The following USP1 variants were observed in gnomAD, a reference collection of about 807,000 sequenced individuals.
The protein encoded by USP1 is ubiquitin carboxyl-terminal hydrolase 1.
In USP1, 18 loss-of-function variants were observed where a neutral mutation model predicts 72.2. That is an observed-to-expected ratio of 0.25 (90% CI 0.17 to 0.37). The LOEUF (loss-of-function observed/expected upper bound fraction) is 0.37, where lower values mean the gene tolerates loss of function less well. USP1 is among the 10% of genes least tolerant of loss of function. USP1 has a pLI of 1.00. For missense variants in USP1, 759 were observed against 884.9 expected (o/e 0.86, Z 1.81); for synonymous variants, 354 against 303.7 (o/e 1.17, Z -1.72).
chr1:62,443,132 T>A, intron 4 of USP1, 27 bp from the exon 5 acceptor site: 1 of 1,596,480 alleles, frequency 6.3e-7, no homozygotes, highest in Non-Finnish European at 8.5e-7. Flanking sequence ...CATAAAATTA[T>A]TGGTTTGTGT....
At chr1:62,441,924 A>G (rs656297) in intron 3 of USP1, among the ~76,000 whole-genome samples, 64,292 of 151,950 alleles carry the variant, frequency 0.42, 15,457 homozygotes, top group African/African-American at 0.66. Flanking sequence ...TAACGTTGGC[A>G]TTGTGTTGTG....
chr1:62,439,265 G>C (rs11588261), intron 1 of USP1, among the ~76,000 whole-genome samples: 1 of 151,884 alleles, frequency 6.6e-6, no homozygotes, highest in Admixed American at 6.6e-5. Flanking sequence ...GCTCACTGCA[G>C]CCTCCGCCTC....
intron 8 of USP1, among the ~76,000 whole-genome samples, chr1:62,449,368 A>G (rs1443929673): frequency 6.6e-6 from 1 of 151,654 alleles, no homozygotes; most frequent in Non-Finnish European, 1.5e-5. Context: ...CAACAGTTTG[A>G]AAAAAAATGC....
At chr1:62,439,508 T>TA in intron 1 of USP1, among the ~76,000 whole-genome samples, 2 of 152,332 alleles carry the variant, frequency 1.3e-5, no homozygotes, top group Middle Eastern at 6.8e-3. Context: ...TTTTACTACT[T>TA]ATACTATTTT....
At chr1:62,448,120 C>T (rs939353680) in intron 7 of USP1, among the ~76,000 whole-genome samples, 2 of 152,132 alleles carry the variant, frequency 1.3e-5, no homozygotes, top group African/African-American at 2.4e-5. Context: ...AATTGAGCCA[C>T]TGTTGTGTCT....
chr1:62,441,361 T>G, intron 2 of USP1, 127 bp from the exon 3 acceptor site: 1 of 1,148,716 alleles, frequency 8.7e-7, no homozygotes, highest in Non-Finnish European at 1.2e-6. Context: ...TAAAATGTCA[T>G]CTGAACAAGA....
At chr1:62,443,411 G>GC in intron 5 of USP1, 92 bp downstream of exon 5, 2 of 1,302,038 alleles carry the variant, frequency 1.5e-6, no homozygotes, top group Non-Finnish European at 2.0e-6. Flanking sequence ...GGAATAAAGG[G>GC]CAAGGAAAGT....
In USP1 at chr1:62,450,677, C is replaced by G. The variant is rs767077190; in HGVS notation, c.2054C>G (p.Ser685Cys). 8.1e-6 allele frequency: 13 copies of G among 1,614,112 alleles called. No individual in the cohort carries two copies. Among genetic ancestry groups the G allele is most frequent in the Admixed American group, 1.7e-5 (1 of 60,018 alleles). ...GATTATGAGCTATACAACAAAGCCT[C>G]TAATCCTGATAAGGTTGCTAGTACA... ...KADYELYNKA[S>C]NPDKVASTAF... Residue 685 changes from serine to cysteine, a missense_variant, in exon 9 of 9, where the codon TCT (serine) becomes TGT (cysteine). Ser to Cys is a moderately radical substitution (Grantham distance 112, BLOSUM62 -1). This residue lies in a region of USP1 where 159 missense variants were observed against 140.9 expected (regional missense o/e 1.13). Transcript: ENST00000339950.
intron 7 of USP1, among the ~76,000 whole-genome samples, chr1:62,448,255 A>G (rs979892728): frequency 5.9e-5 from 9 of 152,204 alleles, no homozygotes; most frequent in Non-Finnish European, 1.2e-4. Flanking sequence ...GCTGTCTATC[A>G]TATTTTTTGG....
chr1:62,440,804 C>G (rs1398412442), intron 2 of USP1, among the ~76,000 whole-genome samples: 2 of 151,906 alleles, frequency 1.3e-5, no homozygotes, highest in Non-Finnish European at 2.9e-5. Flanking sequence ...TTGGAAGGAC[C>G]TAGTGGTTTT....
chr1:62,440,145 C>G (rs1483382503), intron 2 of USP1, 108 bp downstream of exon 2: 2 of 1,001,012 alleles, frequency 2.0e-6, no homozygotes, highest in African/African-American at 1.7e-5. Flanking sequence ...CAAAAAAGTA[C>G]GCTTCAGTGT....
rs1022817358 is a variant in USP1, at chr1:62,451,458, G to A, written c.*477G>A. ...GGCTATGTCAGAGGCACAAAGTCTAGAATGTGTGTATTCACAATGGTGTAT... is the reference window on the plus strand; with the variant it reads ...GGCTATGTCAGAGGCACAAAGTCTAAAATGTGTGTATTCACAATGGTGTAT... On this transcript the variant is annotated 3_prime_UTR_variant, in exon 9 of 9. Coordinates refer to ENST00000339950, the MANE Select transcript of USP1 (RefSeq NM_003368.5). 1 of 153,516 alleles carries A rather than the reference G, an allele frequency of 6.5e-6. No individual in the cohort carries two copies. Among genetic ancestry groups the A allele is most frequent in the African/African-American group, 2.4e-5 (1 of 41,464 alleles). The allele number at this position is 153,516 out of a possible 1,614,324, so 9.5% of individuals were successfully genotyped here.
intron 5 of USP1, among the ~76,000 whole-genome samples, chr1:62,444,279 AAGG>A (rs1483989701): frequency 4.4e-5 from 3 of 68,472 alleles, no homozygotes; most frequent in Non-Finnish European, 6.4e-5. Context: ...AAAAAAAAAA[AAGG>A]CCATTGTAGC....
Position 62,439,945 on chromosome 1 carries a change from G to GT in USP1, c.84dup (p.Gln29SerfsTer6). On this transcript the variant is annotated frameshift_variant, in exon 2 of 9. Coordinates refer to ENST00000339950, the MANE Select transcript of USP1 (RefSeq NM_003368.5). LOFTEE classifies it high-confidence loss of function. Reference sequence around the variant, plus strand: ...CAAAGAAAAACAGACTTTCCTTAAAGTTTTTTCAGAAAAAGGAAACTAAGA... The same window carrying GT: ...CAAAGAAAAACAGACTTTCCTTAAAGTTTTTTTCAGAAAAAGGAAACTAAGA... 1 of 1,566,874 alleles carries GT rather than the reference G, an allele frequency of 6.4e-7. No homozygotes were observed. Among genetic ancestry groups the GT allele is most frequent in the South Asian group, 1.2e-5 (1 of 81,756 alleles).
rs1645222686 is a variant in USP1, at chr1:62,451,681, T to C, written c.*700T>C. 1 of 152,664 alleles carries C rather than the reference T, an allele frequency of 6.6e-6. No homozygotes were observed. The highest frequency in any genetic ancestry group is 6.5e-5 in the Admixed American group (1 of 15,280). 9.5% of individuals were successfully genotyped at this position (152,664 alleles called of 1,614,324 possible). A position where few individuals can be genotyped will look rare whatever the true frequency, so the allele number is the denominator to read the frequency against. On this transcript the variant is annotated 3_prime_UTR_variant, in exon 9 of 9. Coordinates refer to ENST00000339950, the MANE Select transcript of USP1 (RefSeq NM_003368.5). ...TACATCAAACTTAGAGGTGTGACCTTAAATTTAACTTTTTTTAAAAACTGG... is the reference window on the plus strand; with the variant it reads ...TACATCAAACTTAGAGGTGTGACCTCAAATTTAACTTTTTTTAAAAACTGG...
Position 62,451,406 on chromosome 1 carries a change from T to TATA in USP1, c.*427_*429dup, listed in dbSNP as rs989972237. On this transcript the variant is annotated 3_prime_UTR_variant, in exon 9 of 9. Coordinates refer to ENST00000339950, the MANE Select transcript of USP1 (RefSeq NM_003368.5). The stretch of plus-strand genomic sequence containing the variant: ...GAATCTCATTCAGTACATTTAGTTT[T>TATA]ATAAGAGTCATGAAGCTAAATCCTT... 3.9e-5 allele frequency: 6 copies of TATA among 155,318 alleles called. No homozygotes were observed. Among genetic ancestry groups the TATA allele is most frequent in the African/African-American group, 1.4e-4 (6 of 41,498 alleles). The allele number at this position is 155,318 out of a possible 1,614,324, so 9.6% of individuals were successfully genotyped here.
chr1:62,444,676 A>G lies in USP1; in HGVS notation c.558-62A>G, dbSNP rs1340583380. Reference sequence around the variant, plus strand: ...TTTCCTTACATGAATTAATTTCTATATAGGCTTTATGTACTGTATCTTCAA... The same window carrying G: ...TTTCCTTACATGAATTAATTTCTATGTAGGCTTTATGTACTGTATCTTCAA... On this transcript the variant is annotated intron_variant, in intron 5 of 8. Coordinates refer to ENST00000339950, the MANE Select transcript of USP1 (RefSeq NM_003368.5). The G allele has an allele frequency of 4.0e-6, 5 of 1,235,026 alleles. No individual in the cohort carries two copies. The African/African-American group carries it at 4.7e-5, about 12-fold the overall frequency. The allele number at this position is 1,235,026 out of a possible 1,614,324, so 76.5% of individuals were successfully genotyped here. A position where few individuals can be genotyped will look rare whatever the true frequency, so the allele number is the denominator to read the frequency against.
In USP1 at chr1:62,445,118, GTCC is replaced by G; in HGVS notation, c.943_945del (p.Pro315del). The G allele has an allele frequency of 6.2e-7, 1 of 1,613,448 alleles. No homozygotes were observed. Among genetic ancestry groups the G allele is most frequent in the Non-Finnish European group, 8.5e-7 (1 of 1,179,878 alleles). On this transcript the variant is annotated inframe_deletion, in exon 6 of 9. Coordinates refer to ENST00000339950, the MANE Select transcript of USP1 (RefSeq NM_003368.5). Reference sequence around the variant, plus strand: ...AAAGCTACAAGTGATACATTAGAGAGTCCTCCTAAAATAATTCCCAAGTATATT... The same window carrying G: ...AAAGCTACAAGTGATACATTAGAGAGTCCTAAAATAATTCCCAAGTATATT...
At position 62,448,475 on chromosome 1, in the gene USP1, G is replaced by T. The variant is rs537765557; in HGVS notation, c.1431G>T (p.Glu477Asp). Residue 477 changes from glutamate (E) to aspartate (D), a missense_variant, in exon 8 of 9, where the codon GAG becomes GAT. Glu to Asp is a conservative substitution (Grantham distance 45, BLOSUM62 2). Coordinates refer to ENST00000339950, the MANE Select transcript of USP1 (RefSeq NM_003368.5). Reference sequence around the variant, plus strand: ...GATTCTCTTTTTTAGTTTCTCCAGAGCCAAAAACAGAAATGAAGACCCTGA... The same window carrying T: ...GATTCTCTTTTTTAGTTTCTCCAGATCCAAAAACAGAAATGAAGACCCTGA... ...KVEESSEISP[E>D]PKTEMKTLRW... is the part of the protein sequence containing the mutation. The T allele has an allele frequency of 1.9e-6, 3 of 1,613,742 alleles. No homozygotes were observed. The South Asian group carries it at 3.3e-5, about 18-fold the overall frequency.
Sources: allele counts gnomAD v4.1 joint callset (sites outside exome capture counted in the v4.1 genomes callset), GRCh38; gene constraint gnomAD v4.1.1; regional missense constraint gnomAD v4.1.1; transcripts MANE v1.5; gene names NCBI Gene and HGNC (gene_info 2026-07-23, HGNC 2026-07-21).